The following CTNNA3 variants were observed in gnomAD, a reference collection of about 807,000 sequenced individuals.
CTNNA3 encodes catenin alpha 3, also known as catenin alpha-3.
In CTNNA3, 76 loss-of-function variants were observed where a neutral mutation model predicts 95.7. The observed-to-expected ratio is 0.79, with a 90% CI of 0.66 to 0.96. The LOEUF (loss-of-function observed/expected upper bound fraction) is 0.96. Among genes scored for constraint, CTNNA3 ranks in the 40% least tolerant of loss-of-function variants. CTNNA3 has a pLI of 0.00. For synonymous variants in CTNNA3, 431 were observed against 374.4 expected (o/e 1.15, Z -1.74); for missense variants, 1,191 against 1,089.8 (o/e 1.09, Z -1.31).
intron 7 of CTNNA3, among the ~76,000 whole-genome samples, chr10:66,896,534 A>C (rs1047556487): frequency 4.6e-5 from 7 of 152,242 alleles, no homozygotes; most frequent in Admixed American, 6.5e-5. Context: ...TGACAGTAAC[A>C]TGGACTACAG....
At chr10:66,863,801 G>A (rs752611221) in intron 7 of CTNNA3, among the ~76,000 whole-genome samples, 33 of 152,078 alleles carry the variant, frequency 2.2e-4, no homozygotes, top group Non-Finnish European at 3.5e-4. Context: ...TCACTAGGAG[G>A]AGACCTCCTA....
chr10:66,827,071 T>G lies in CTNNA3; in HGVS notation c.1048-51547A>C, dbSNP rs1452885740. On this transcript the variant is annotated intron_variant, in intron 7 of 17. Coordinates refer to ENST00000433211, the MANE Select transcript of CTNNA3 (RefSeq NM_013266.4). ...ATCAACCTTGGCTATGGAGAACTGG[T>G]GCATAAGAGACCACAACCTCAGAAT... 3.3e-5 allele frequency among the ~76,000 whole-genome samples: 5 copies of G among 152,292 alleles called. No homozygotes were observed. The East Asian group carries it at 7.7e-4, about 24-fold the overall frequency.
chr10:66,067,797 T>C (rs1381186534), intron 15 of CTNNA3, among the ~76,000 whole-genome samples: 1 of 152,040 alleles, frequency 6.6e-6, no homozygotes, highest in Non-Finnish European at 1.5e-5. Context: ...GCGCCTGTAG[T>C]CCCAGCTACT....
intron 17 of CTNNA3, among the ~76,000 whole-genome samples, chr10:65,942,530 A>C (rs1397159486): frequency 1.3e-5 from 2 of 152,086 alleles, no homozygotes; most frequent in Non-Finnish European, 2.9e-5. Flanking sequence ...TCCCTCTCAA[A>C]AACAACAACA....
At chr10:66,085,127 G>T (rs1267678459) in intron 14 of CTNNA3, 3 of 152,018 alleles carry the variant, frequency 2.0e-5, no homozygotes, top group Non-Finnish European at 4.4e-5. Flanking sequence ...TTGAGCCTTA[G>T]AATATTTCAA....
intron 14 of CTNNA3, among the ~76,000 whole-genome samples, chr10:66,097,741 C>T (rs747897980): frequency 2.6e-5 from 4 of 152,122 alleles, no homozygotes; most frequent in Non-Finnish European, 5.9e-5. Context: ...GTTTGAGGAA[C>T]GTTCAGCTGC....
intron 7 of CTNNA3, among the ~76,000 whole-genome samples, chr10:67,052,313 ACT>A (rs3841706): frequency 0.02 from 2,397 of 121,070 alleles, 44 homozygotes; most frequent in African/African-American, 0.06. Flanking sequence ...CCCACTCATC[ACT>A]CTCTCTCTCT....
At chr10:66,721,883 G>A (rs184713729) in intron 9 of CTNNA3, among the ~76,000 whole-genome samples, 84 of 152,160 alleles carry the variant, frequency 5.5e-4, no homozygotes, top group Admixed American at 3.1e-3. Flanking sequence ...TACAGATTAG[G>A]AGGAAAAAAA....
intron 17 of CTNNA3, among the ~76,000 whole-genome samples, chr10:65,922,014 T>G (rs1204440279): frequency 5.9e-5 from 9 of 152,134 alleles, no homozygotes; most frequent in African/African-American, 1.7e-4. Context: ...TATCTTCATT[T>G]TATGGATGAA....
intron 1 of CTNNA3, among the ~76,000 whole-genome samples, chr10:67,651,829 T>G (rs1839886202): frequency 6.6e-6 from 1 of 152,208 alleles, no homozygotes; most frequent in Non-Finnish European, 1.5e-5. Context: ...CTGCTAGTAA[T>G]TACTGCCCTT....
intron 3 of CTNNA3, among the ~76,000 whole-genome samples, chr10:67,573,022 G>T (rs546627076): frequency 6.6e-6 from 1 of 152,282 alleles, no homozygotes; most frequent in East Asian, 1.9e-4. Context: ...CTGAGAGGTT[G>T]AGGCTGCAGT....
intron 3 of CTNNA3, among the ~76,000 whole-genome samples, chr10:67,558,164 C>T (rs1841326579): frequency 6.6e-6 from 1 of 152,144 alleles, no homozygotes; most frequent in Non-Finnish European, 1.5e-5. Flanking sequence ...TTTTGCAGAA[C>T]CTGAGTCATA....
intron 11 of CTNNA3, among the ~76,000 whole-genome samples, chr10:66,399,957 T>G (rs1015225642): frequency 1.3e-5 from 2 of 152,024 alleles, no homozygotes; most frequent in African/African-American, 4.8e-5. Flanking sequence ...ACAGCAAACT[T>G]AGAAGATGAA....
chr10:67,497,199 T>C (rs1163471098), intron 5 of CTNNA3, among the ~76,000 whole-genome samples: 3 of 152,214 alleles, frequency 2.0e-5, no homozygotes, highest in African/African-American at 7.2e-5. Context: ...TTTCTATCCC[T>C]GTAATAGTTT....
intron 3 of CTNNA3, among the ~76,000 whole-genome samples, chr10:67,560,866 G>GA (rs968186773): frequency 1.9e-4 from 29 of 151,966 alleles, no homozygotes; most frequent in African/African-American, 6.3e-4. Flanking sequence ...GACTTTAAAT[G>GA]AAAAAAGATC....
At chr10:66,407,611 C>T (rs187646924) in intron 11 of CTNNA3, among the ~76,000 whole-genome samples, 3 of 151,132 alleles carry the variant, frequency 2.0e-5, no homozygotes, top group Non-Finnish European at 4.4e-5. Context: ...GACAGAGTCT[C>T]GCTCTGTCAC....
chr10:66,086,609 C>G (rs59784692), intron 14 of CTNNA3, among the ~76,000 whole-genome samples: 1 of 151,994 alleles, frequency 6.6e-6, no homozygotes, highest in South Asian at 2.1e-4. Flanking sequence ...AAAATTACCA[C>G]AAAAAACTTA....
rs758949001 is a variant in CTNNA3, at chr10:65,951,757, C to T, written c.2400+14855G>A. Among the ~76,000 whole-genome samples the T allele has an allele frequency of 7.9e-5, 12 of 152,142 alleles. No homozygotes were observed. In the South Asian group the frequency reaches 1.7e-3, roughly 21 times the overall value. ...AGAACATGAGATTCTAGGTCAGGCG[C>T]GGTGGCTTACGCCTGTAATCCCAGC... On this transcript the variant is annotated intron_variant, in intron 17 of 17. Coordinates refer to ENST00000433211, the MANE Select transcript of CTNNA3 (RefSeq NM_013266.4).
chr10:66,598,707 G>A (rs1843811374), intron 10 of CTNNA3, among the ~76,000 whole-genome samples: 1 of 151,538 alleles, frequency 6.6e-6, no homozygotes, highest in Non-Finnish European at 1.5e-5. Flanking sequence ...TGAAAGACCT[G>A]GATACTAAAA....
Sources: gnomAD v4.1 joint callset for allele counts (sites outside exome capture counted in the v4.1 genomes callset) on GRCh38, gnomAD v4.1.1 for gene constraint, MANE v1.5 for transcripts, NCBI Gene and HGNC (gene_info 2026-07-23, HGNC 2026-07-21) for gene names.